Variants in N4BP2 observed in about 807,000 individuals in gnomAD.
N4BP2 encodes NEDD4 binding protein 2.
In N4BP2, 91 loss-of-function variants were observed where a neutral mutation model predicts 152.8. The observed-to-expected ratio is 0.60, with a 90% CI of 0.50 to 0.71. The LOEUF (loss-of-function observed/expected upper bound fraction) is 0.71, where lower values mean the gene tolerates loss of function less well. Among genes scored for constraint, N4BP2 ranks in the 30% least tolerant of loss-of-function variants. N4BP2 has a pLI of 0.00. For synonymous variants in N4BP2, 646 were observed against 705.3 expected, an observed-to-expected ratio of 0.92 and a Z score of 1.33; for missense variants, 1,923 against 2,059.1, an observed-to-expected ratio of 0.93 and a Z score of 1.28.
Position 40,120,579 on chromosome 4 carries a change from A to G in N4BP2, c.2468A>G (p.Gln823Arg), listed in dbSNP as rs1003934913. ...VQSDKKYNYP[Q>R]SHKLVNSVSV... ...AGCGACAAAAAGTATAATTACCCTC[A>G]GTCACACAAATTAGTTAACAGTGTA... The change falls in exon 9 of 18, where the codon CAG becomes CGG. Residue 823 changes from glutamine to arginine, a missense_variant. Gln to Arg is a conservative substitution (Grantham distance 43). Transcript: ENST00000261435. 2.5e-6 allele frequency: 4 copies of G among 1,614,186 alleles called. No individual in the cohort carries two copies. Among genetic ancestry groups the G allele is most frequent in the Non-Finnish European group, 3.4e-6 (4 of 1,180,026 alleles).
chr4:40,125,942 A>G (rs1718360349), intron 11 of N4BP2, among the ~76,000 whole-genome samples, 192 bp from the exon 12 acceptor site: 1 of 152,120 alleles, frequency 6.6e-6, no homozygotes, highest in Middle Eastern at 3.4e-3. Flanking sequence ...AAATATTGCT[A>G]CATTAACACA....
At chr4:40,147,617 G>A (rs1177186816) in intron 16 of N4BP2, among the ~76,000 whole-genome samples, 3 of 150,410 alleles carry the variant, frequency 2.0e-5, no homozygotes, top group South Asian at 2.1e-4. Context: ...CGGACGGGGC[G>A]GCTGGCCGGG....
At chr4:40,171,245 C>G in the N4BP2 span, among the ~76,000 whole-genome samples, 1 of 152,218 alleles carries the variant, frequency 6.6e-6, no homozygotes, top group South Asian at 2.1e-4. Context: ...CATCGTTTGT[C>G]CATCCCTTCT....
chr4:40,141,514 C>A (rs937732063), intron 14 of N4BP2, among the ~76,000 whole-genome samples: 1 of 151,520 alleles, frequency 6.6e-6, no homozygotes, highest in Non-Finnish European at 1.5e-5. Flanking sequence ...GCGCTCCTCA[C>A]TTCCTAGATG....
chr4:40,094,465 G>C (rs1305797114), intron 2 of N4BP2, among the ~76,000 whole-genome samples: 1 of 152,078 alleles, frequency 6.6e-6, no homozygotes. Context: ...TTGTGAATTT[G>C]TCTATTTCTC....
At chr4:40,076,999 TC>T (rs1328975960) in intron 2 of N4BP2, among the ~76,000 whole-genome samples, 1 of 152,156 alleles carries the variant, frequency 6.6e-6, no homozygotes, top group East Asian at 1.9e-4. Context: ...TCCTGTAACT[TC>T]CCTATATATT....
At position 40,117,861 on chromosome 4, in the gene N4BP2, A is replaced by G; in HGVS notation, c.1665-8A>G. On this transcript the variant is annotated splice_polypyrimidine_tract_variant and splice_region_variant and intron_variant, in intron 7 of 17. Coordinates refer to ENST00000261435, the MANE Select transcript of N4BP2 (RefSeq NM_018177.6). ...TCCTTCAACCCTTTTTTCCCCTGGA[A>G]TTTTCAGGCGTAACATTCATGGGGT... 1 of 1,586,982 alleles carries G rather than the reference A, an allele frequency of 6.3e-7. No individual in the cohort carries two copies. The highest frequency in any genetic ancestry group is 8.6e-7 in the Non-Finnish European group (1 of 1,168,926).
the N4BP2 span, among the ~76,000 whole-genome samples, chr4:40,180,879 C>G: frequency 2.0e-5 from 3 of 152,134 alleles, no homozygotes. Flanking sequence ...AGGCCAGGCA[C>G]GGTGGCTCAC....
At chr4:40,111,414 G>A (rs1234364386) in intron 5 of N4BP2, among the ~76,000 whole-genome samples, 4 of 152,058 alleles carry the variant, frequency 2.6e-5, no homozygotes, top group African/African-American at 4.8e-5. Context: ...TCCGCATACC[G>A]GGTTCAAGTG....
downstream of N4BP2, among the ~76,000 whole-genome samples, chr4:40,161,984 G>T (rs1266573614): frequency 6.6e-6 from 1 of 152,158 alleles, no homozygotes; most frequent in African/African-American, 2.4e-5. Context: ...CAAAGCTGGT[G>T]ACTAGGCACC....
At chr4:40,074,578 T>C (rs1712539469) in intron 2 of N4BP2, among the ~76,000 whole-genome samples, 1 of 152,222 alleles carries the variant, frequency 6.6e-6, no homozygotes, top group African/African-American at 2.4e-5. Flanking sequence ...AAGGAAAATA[T>C]AATCACAGAT....
chr4:40,187,384 A>G, the N4BP2 span, among the ~76,000 whole-genome samples: 1 of 152,288 alleles, frequency 6.6e-6, no homozygotes, highest in Non-Finnish European at 1.5e-5. Flanking sequence ...ACATGTAATT[A>G]AAACGACACT....
In N4BP2 at chr4:40,121,037, CCTCT is replaced by C; in HGVS notation, c.2927_2930del (p.Pro976LeufsTer13). ...GAGTCATGGGCAACACACATCGTTG[CCTCT>C]TACTTTTACCAATAGTGCACCAACT... is the stretch of plus-strand genomic sequence containing the variant. On this transcript the variant is annotated frameshift_variant, in exon 9 of 18. Coordinates refer to ENST00000261435, the MANE Select transcript of N4BP2 (RefSeq NM_018177.6). LOFTEE classifies it high-confidence loss of function. The C allele has an allele frequency of 6.2e-7, 1 of 1,614,028 alleles. No individual in the cohort carries two copies. Among genetic ancestry groups the C allele is most frequent in the Non-Finnish European group, 8.5e-7 (1 of 1,179,990 alleles).
At chr4:40,099,553 G>A (rs1244542164) in intron 3 of N4BP2, among the ~76,000 whole-genome samples, 1 of 151,888 alleles carries the variant, frequency 6.6e-6, no homozygotes, top group Non-Finnish European at 1.5e-5. Context: ...CCCGGCCCAT[G>A]TTTTAAGATT....
At chr4:40,175,721 T>TGGCGTGAACC in the N4BP2 span, among the ~76,000 whole-genome samples, 1 of 141,154 alleles carries the variant, frequency 7.1e-6, no homozygotes. Flanking sequence ...GGCAGGAAAA[T>TGGCGTGAACC]CGCTCTCAAA....
In N4BP2 at chr4:40,142,718, T is replaced by G. The variant is rs796720608; in HGVS notation, c.4831T>G (p.Phe1611Val). ...ETEETPSELS[F>V]QDFEYPDYDD... ...TGAAGAAACACCAAGTGAACTGTCT[T>G]TCCAGGACTTTGAGTACCCAGACTA... Residue 1611 changes from phenylalanine (F) to valine (V), a missense_variant, in exon 15 of 18, where the codon TTC becomes GTC. Physicochemically the swap from Phe to Val is conservative, Grantham distance 50. Transcript: ENST00000261435. The G allele has an allele frequency of 2.5e-6, 4 of 1,614,004 alleles. No individual in the cohort carries two copies. The highest frequency in any genetic ancestry group is 3.4e-6 in the Non-Finnish European group (4 of 1,179,946).
intron 13 of N4BP2, among the ~76,000 whole-genome samples, chr4:40,132,745 C>A (rs1410004391): frequency 2.0e-5 from 3 of 151,890 alleles, no homozygotes; most frequent in Admixed American, 6.6e-5. Flanking sequence ...TTTTGAGAAT[C>A]TAATATAGAT....
At chr4:40,099,892 T>A (rs754670424) in intron 3 of N4BP2, 1 of 224,250 alleles carries the variant, frequency 4.5e-6, no homozygotes, top group South Asian at 4.7e-5. Context: ...TGCTTTCTTT[T>A]TTTTCCCCCG....
intron 11 of N4BP2, among the ~76,000 whole-genome samples, chr4:40,125,671 A>G (rs1485414375): frequency 6.6e-6 from 1 of 152,158 alleles, no homozygotes; most frequent in African/African-American, 2.4e-5. Flanking sequence ...GGATCACCTG[A>G]GGTCAGGAGT....
Sources: gnomAD v4.1 joint callset for allele counts (sites outside exome capture counted in the v4.1 genomes callset) on GRCh38, gnomAD v4.1.1 for gene constraint, MANE v1.5 for transcripts, NCBI Gene and HGNC (gene_info 2026-07-23, HGNC 2026-07-21) for gene names.